Variants in PLEKHA7 observed in about 807,000 individuals in gnomAD.
PLEKHA7 encodes pleckstrin homology domain containing A7, also known as pleckstrin homology domain-containing family A member 7.
A neutral mutation model predicts 170.0 loss-of-function variants in PLEKHA7; 104 were observed. The ratio of observed to expected loss-of-function variants is 0.61; its 90% CI spans 0.52 to 0.72. The LOEUF (loss-of-function observed/expected upper bound fraction) is 0.72. Among genes scored for constraint, PLEKHA7 ranks in the 30% least tolerant of loss-of-function variants. The probability of loss-of-function intolerance (pLI) is 0.00; values close to 1 mark genes in which losing one functional copy is unlikely to be tolerated. For synonymous variants in PLEKHA7, 648 were observed against 660.8 expected (o/e 0.98, Z 0.30); for missense variants, 1,615 against 1,671.7 (o/e 0.97, Z 0.59).
chr11:17,003,369 T>C (rs574964029), intron 3 of PLEKHA7, among the ~76,000 whole-genome samples: 2 of 152,278 alleles, frequency 1.3e-5, no homozygotes, highest in African/African-American at 4.8e-5. Context: ...ACTCCGGCAA[T>C]CCTAGTTCAA....
chr11:16,908,672 T>A (rs1370718311), intron 3 of PLEKHA7, among the ~76,000 whole-genome samples: 1 of 152,022 alleles, frequency 6.6e-6, no homozygotes, highest in African/African-American at 2.4e-5. Flanking sequence ...ATTTTTGTAT[T>A]TTTAGTAGAG....
chr11:16,979,157 G>A (rs1237713542), intron 3 of PLEKHA7, among the ~76,000 whole-genome samples: 4 of 152,108 alleles, frequency 2.6e-5, no homozygotes, highest in East Asian at 1.9e-4. Flanking sequence ...CCTGCCTCAC[G>A]AGTAGCTGGG....
intron 3 of PLEKHA7, among the ~76,000 whole-genome samples, chr11:16,954,386 T>C (rs571044014): frequency 1.4e-4 from 22 of 151,844 alleles, no homozygotes; most frequent in African/African-American, 5.1e-4. Context: ...AAATTTAAAT[T>C]AGCCATGTGT....
In PLEKHA7 at chr11:16,789,518, A is replaced by T; in HGVS notation, c.3157-222T>A. 1.6e-6 allele frequency: 1 copy of T among 620,322 alleles called. No homozygotes were observed. The highest frequency in any genetic ancestry group is 2.0e-5 in the South Asian group (1 of 50,684). 38.4% of individuals were successfully genotyped at this position (620,322 alleles called of 1,614,324 possible). A position where few individuals can be genotyped will look rare whatever the true frequency, so the allele number is the denominator to read the frequency against. ...ACCCATTCTGCAGATGCAGACACTT[A>T]GGCTCAGGCCTGTCCAGTGAGGCCA... On this transcript the variant is annotated intron_variant, in intron 22 of 26. Transcript: ENST00000531066. This position sits in a 1 kb window ranked among gnomAD's most constrained non-coding sequence, Gnocchi z 4.6.
At chr11:16,783,011 A>T in intron 25 of PLEKHA7, 115 bp from the exon 26 acceptor site, 1 of 1,129,398 alleles carries the variant, frequency 8.9e-7, no homozygotes, top group Non-Finnish European at 1.2e-6. Context: ...TCAGACAAAA[A>T]CTGTGGTACT....
intron 3 of PLEKHA7, among the ~76,000 whole-genome samples, chr11:16,932,186 CTG>C (rs1859985072): frequency 6.6e-6 from 1 of 151,860 alleles, no homozygotes; most frequent in Admixed American, 6.6e-5. Context: ...ATACCTACCT[CTG>C]TAGTATTATT....
chr11:16,965,629 C>A (rs553183845), intron 3 of PLEKHA7, among the ~76,000 whole-genome samples: 35 of 152,254 alleles, frequency 2.3e-4, no homozygotes, highest in African/African-American at 7.9e-4. Flanking sequence ...CAGCTCAAAG[C>A]CCAGAAAAGG....
At chr11:16,884,273 T>C (rs555250464) in intron 3 of PLEKHA7, among the ~76,000 whole-genome samples, 3 of 152,154 alleles carry the variant, frequency 2.0e-5, no homozygotes, top group Non-Finnish European at 4.4e-5. Context: ...CCCAAACTAG[T>C]TTTATTTGAG....
chr11:16,912,907 C>T (rs1219540852), intron 3 of PLEKHA7, among the ~76,000 whole-genome samples: 1 of 152,212 alleles, frequency 6.6e-6, no homozygotes, highest in Non-Finnish European at 1.5e-5. Flanking sequence ...AGTGAGGGGA[C>T]ACAAGGGGCC....
At chr11:16,823,547 C>G (rs1850408182) in intron 10 of PLEKHA7, among the ~76,000 whole-genome samples, 1 of 152,208 alleles carries the variant, frequency 6.6e-6, no homozygotes, top group Admixed American at 6.5e-5. Context: ...TCCTGATCAT[C>G]TCTACCTGGA....
chr11:16,858,442 C>T (rs1853652851), intron 4 of PLEKHA7, among the ~76,000 whole-genome samples: 1 of 152,114 alleles, frequency 6.6e-6, no homozygotes, highest in Admixed American at 6.6e-5. Context: ...CCAGGAAATC[C>T]AGGACAAATA....
intron 3 of PLEKHA7, among the ~76,000 whole-genome samples, chr11:16,961,282 G>A (rs754227891): frequency 2.6e-5 from 4 of 152,198 alleles, no homozygotes; most frequent in Non-Finnish European, 5.9e-5. Flanking sequence ...GAATCTTGGC[G>A]ACTCAGCCAG....
At chr11:16,960,527 C>T (rs1018902860) in intron 3 of PLEKHA7, among the ~76,000 whole-genome samples, 5 of 152,096 alleles carry the variant, frequency 3.3e-5, no homozygotes, top group African/African-American at 7.2e-5. Flanking sequence ...ATGAGGCAAG[C>T]GTCGCCCTAG....
Position 16,817,130 on chromosome 11 carries a change from G to T in PLEKHA7, c.1536C>A (p.Arg512=). ...ASHLKMSSEE[R]RAHRDGTVWQ... The stretch of plus-strand genomic sequence containing the variant: ...ACACGGTGCCATCCCGGTGCGCCCG[G>T]CGCTCTTCACTCGACATCTTCAGGT... Residue 512 remains arginine (R), a synonymous_variant, in exon 11 of 27, where the codon CGC becomes CGA. Transcript: ENST00000531066. This position sits in a 1 kb window ranked among gnomAD's most constrained non-coding sequence, Gnocchi z 4.4. 2 of 1,614,184 alleles carry T rather than the reference G, an allele frequency of 1.2e-6. No individual in the cohort carries two copies. The highest frequency in any genetic ancestry group is 4.5e-5 in the East Asian group (2 of 44,880).
chr11:16,862,040 C>T lies in PLEKHA7; in HGVS notation c.306-6126G>A, dbSNP rs1008021841. 4.6e-5 allele frequency among the ~76,000 whole-genome samples: 7 copies of T among 152,094 alleles called. No individual in the cohort carries two copies. The South Asian group carries it at 6.2e-4, about 14-fold the overall frequency. ...GAGAAAGAGACACACACAGACAGAC[C>T]GCCAACGCTCACTGTAAACTCCCAA... On this transcript the variant is annotated intron_variant, in intron 4 of 26. Coordinates refer to ENST00000531066, the MANE Select transcript of PLEKHA7 (RefSeq NM_001329630.2).
At chr11:17,009,636 T>C (rs1240314969) in intron 3 of PLEKHA7, among the ~76,000 whole-genome samples, 1 of 151,774 alleles carries the variant, frequency 6.6e-6, no homozygotes, top group African/African-American at 2.4e-5. Context: ...TTTATTTATT[T>C]ATTTATTTAT....
intron 4 of PLEKHA7, among the ~76,000 whole-genome samples, chr11:16,867,677 A>C (rs1363296505): frequency 6.6e-6 from 1 of 152,126 alleles, no homozygotes; most frequent in Non-Finnish European, 1.5e-5. Flanking sequence ...TTTAGGAGGA[A>C]GCAATTTAGG....
chr11:17,012,828 T>C lies in PLEKHA7; in HGVS notation c.221+1161A>G, dbSNP rs191541751. On this transcript the variant is annotated intron_variant, in intron 3 of 26. Coordinates refer to ENST00000531066, the MANE Select transcript of PLEKHA7 (RefSeq NM_001329630.2). ...CTCCCCAACTTCACATACACACATA[T>C]GAGGCAGGGCAATAGAACCGCAGCA... Among the ~76,000 whole-genome samples, 9 of 152,260 alleles carry C rather than the reference T, an allele frequency of 5.9e-5. No homozygotes were observed. In the East Asian group the frequency reaches 1.5e-3, roughly 26 times the overall value.
chr11:16,900,157 G>A (rs1565091385), intron 3 of PLEKHA7, among the ~76,000 whole-genome samples: 1 of 152,174 alleles, frequency 6.6e-6, no homozygotes, highest in Non-Finnish European at 1.5e-5. Flanking sequence ...CACACTCCAA[G>A]TTGCTAACCT....
Sources: gnomAD v4.1 joint callset for allele counts (sites outside exome capture counted in the v4.1 genomes callset) on GRCh38, gnomAD v4.1.1 for gene constraint, Gnocchi (gnomAD v3.1) non-coding constraint, MANE v1.5 for transcripts, NCBI Gene and HGNC (gene_info 2026-07-23, HGNC 2026-07-21) for gene names.